EYA1: variants seen among roughly 807,000 people sequenced by gnomAD.
The protein encoded by EYA1 is EYA transcriptional coactivator and phosphatase 1.
EYA1 carries 16 observed loss-of-function variants against 82.0 expected under a neutral mutation model. That is an observed-to-expected ratio of 0.20 (90% confidence interval 0.13 to 0.30). The LOEUF (loss-of-function observed/expected upper bound fraction) is 0.30. Ranked by LOEUF, EYA1 falls within the 10% of genes least tolerant of loss-of-function variation. EYA1 has a pLI of 1.00. For missense variants in EYA1, 633 were observed against 730.7 expected (o/e 0.87, Z 1.54); for synonymous variants, 261 against 264.4 (o/e 0.99, Z 0.12).
intron 9 of EYA1, among the ~76,000 whole-genome samples, chr8:71,295,706 C>T (rs1247387103): frequency 6.6e-6 from 1 of 152,202 alleles, no homozygotes; most frequent in Non-Finnish European, 1.5e-5. Context: ...CCAGCAATCA[C>T]ACTCCTAGGT....
At chr8:71,544,355 AG>A (rs1815383692) in intron 1 of EYA1, among the ~76,000 whole-genome samples, 1 of 152,266 alleles carries the variant, frequency 6.6e-6, no homozygotes, top group Non-Finnish European at 1.5e-5. Context: ...CTTGGCAGAT[AG>A]CCAATCTGCT....
chr8:71,362,766 T>C (rs1827512074), upstream of EYA1, among the ~76,000 whole-genome samples: 1 of 152,230 alleles, frequency 6.6e-6, no homozygotes, highest in African/African-American at 2.4e-5. Context: ...TCTAGAACTC[T>C]TTCTTTACAG....
At chr8:71,467,747 A>G (rs1808884799) in intron 2 of EYA1, among the ~76,000 whole-genome samples, 1 of 152,162 alleles carries the variant, frequency 6.6e-6, no homozygotes, top group Admixed American at 6.6e-5. Context: ...ATGATTATGC[A>G]TGAGATACAT....
At chr8:71,403,194 A>C (rs1162894211) in intron 2 of EYA1, among the ~76,000 whole-genome samples, 1 of 152,224 alleles carries the variant, frequency 6.6e-6, no homozygotes. Context: ...ATCGTAAGCA[A>C]ATCTCCACAC....
intron 16 of EYA1, among the ~76,000 whole-genome samples, chr8:71,213,666 G>C (rs758276015): frequency 6.6e-6 from 1 of 152,176 alleles, no homozygotes; most frequent in Non-Finnish European, 1.5e-5. Context: ...AACTTGAAAG[G>C]TTAGCCTGGA....
chr8:71,532,022 G>A (rs1814320329), intron 2 of EYA1, among the ~76,000 whole-genome samples: 1 of 152,158 alleles, frequency 6.6e-6, no homozygotes. Context: ...CTCTGCCCAT[G>A]GTCTTTCATC....
At chr8:71,208,732 A>C (rs1052783267) in intron 17 of EYA1, among the ~76,000 whole-genome samples, 2 of 113,640 alleles carry the variant, frequency 1.8e-5, no homozygotes, top group Admixed American at 1.7e-4. Context: ...GTATAATAAA[A>C]AAAAGAAAAA....
intron 17 of EYA1, among the ~76,000 whole-genome samples, chr8:71,208,016 A>ACTT (rs1211428195): frequency 6.6e-6 from 1 of 152,202 alleles, no homozygotes; most frequent in East Asian, 1.9e-4. Context: ...TAGTATTAAA[A>ACTT]CTTTATAATA....
intron 2 of EYA1, among the ~76,000 whole-genome samples, chr8:71,514,099 G>C (rs1812794615): frequency 6.6e-6 from 1 of 152,120 alleles, no homozygotes; most frequent in Non-Finnish European, 1.5e-5. Flanking sequence ...AAACATGAGA[G>C]TGCAGATATC....
intron 2 of EYA1, among the ~76,000 whole-genome samples, chr8:71,430,332 G>A (rs924558079): frequency 6.6e-6 from 1 of 152,130 alleles, no homozygotes; most frequent in African/African-American, 2.4e-5. Context: ...ATGTTCAGAG[G>A]AGGTAAATAC....
chr8:71,270,424 A>G (rs1296109280), intron 10 of EYA1, among the ~76,000 whole-genome samples: 3 of 152,172 alleles, frequency 2.0e-5, no homozygotes, highest in Non-Finnish European at 4.4e-5. Flanking sequence ...CATACACATC[A>G]CTCATGCTCT....
Position 71,321,786 on chromosome 8 carries a change from T to C in EYA1, c.366A>G (p.Thr122=). ...CTGGCTGTGGGTACGTGGCATAGGC[T>C]GTAGCTTGTTGCATTCCTGTGGTAA... ...TQFTTGMQQA[T]AYATYPQPGQ... is the part of the protein sequence containing the mutation. The change falls in exon 6 of 18, where the codon ACA becomes ACG. Residue 122 remains threonine, a synonymous_variant. Transcript: ENST00000340726. 8.1e-6 allele frequency: 13 copies of C among 1,614,260 alleles called. No individual in the cohort carries two copies. Among genetic ancestry groups the C allele is most frequent in the Non-Finnish European group, 1.1e-5 (13 of 1,180,052 alleles).
intron 2 of EYA1, among the ~76,000 whole-genome samples, chr8:71,502,986 T>C (rs1479654679): frequency 6.6e-6 from 1 of 152,192 alleles, no homozygotes; most frequent in Admixed American, 6.5e-5. Flanking sequence ...TGTAATAAAT[T>C]TGGTAATCAG....
At chr8:71,317,909 G>A (rs1822107894) in intron 6 of EYA1, among the ~76,000 whole-genome samples, 2 of 152,112 alleles carry the variant, frequency 1.3e-5, no homozygotes, top group South Asian at 4.2e-4. Context: ...ATTCTCTCTT[G>A]TTTTATTGCA....
chr8:71,266,226 C>T (rs775192321), intron 11 of EYA1, among the ~76,000 whole-genome samples: 1 of 152,178 alleles, frequency 6.6e-6, no homozygotes, highest in Non-Finnish European at 1.5e-5. Context: ...GCCACATGCT[C>T]CCCTTGACAA....
chr8:71,346,403 TAC>T (rs1323054991), intron 3 of EYA1, among the ~76,000 whole-genome samples: 2 of 143,008 alleles, frequency 1.4e-5, no homozygotes, highest in African/African-American at 5.2e-5. Context: ...CACACACACA[TAC>T]ACACTTTTAT....
At chr8:71,301,309 ACT>A (rs1354942442) in intron 7 of EYA1, among the ~76,000 whole-genome samples, 3 of 151,926 alleles carry the variant, frequency 2.0e-5, no homozygotes, top group Non-Finnish European at 4.4e-5. Context: ...ATCTGCAAAA[ACT>A]CTACTTTGCA....
chr8:71,293,617 T>C (rs1167908570), intron 9 of EYA1, among the ~76,000 whole-genome samples: 2 of 149,062 alleles, frequency 1.3e-5, no homozygotes, highest in Non-Finnish European at 1.5e-5. Context: ...TAATCCAAGA[T>C]ATATAAGGCT....
chr8:71,429,256 C>T (rs1805460472), intron 2 of EYA1, among the ~76,000 whole-genome samples: 2 of 152,118 alleles, frequency 1.3e-5, no homozygotes, highest in African/African-American at 4.8e-5. Context: ...ATTTATAGTG[C>T]AGACCTATCA....
Sources: gnomAD v4.1 joint callset for allele counts (sites outside exome capture counted in the v4.1 genomes callset) on GRCh38, gnomAD v4.1.1 for gene constraint, MANE v1.5 for transcripts, NCBI Gene and HGNC (gene_info 2026-07-23, HGNC 2026-07-21) for gene names.